ARHGEF10: variants seen among roughly 807,000 people sequenced by gnomAD.
ARHGEF10 encodes the protein Rho guanine nucleotide exchange factor (GEF) 10.
A neutral mutation model predicts 147.4 loss-of-function variants in ARHGEF10; 140 were observed. The observed-to-expected ratio is 0.95, with a 90% CI of 0.83 to 1.09. The LOEUF (loss-of-function observed/expected upper bound fraction) is 1.09. Ranked by LOEUF, ARHGEF10 falls within the 50% of genes least tolerant of loss-of-function variation. The probability of loss-of-function intolerance (pLI) is 0.00; values close to 1 mark genes in which losing one functional copy is unlikely to be tolerated. For missense variants in ARHGEF10, 2,222 were observed against 1,752.7 expected, an observed-to-expected ratio of 1.27 and a Z score of -4.78; for synonymous variants, 902 against 695.8, an observed-to-expected ratio of 1.30 and a Z score of -4.67.
At chr8:1,856,023 T>C (rs892637551) in intron 2 of ARHGEF10, among the ~76,000 whole-genome samples, 2 of 152,118 alleles carry the variant, frequency 1.3e-5, no homozygotes, top group Admixed American at 1.3e-4. Context: ...CTCTGGAAAT[T>C]AGCGGTTCTG....
At chr8:1,888,124 T>TTGCGAGGAGACACTTAGTGGGGC (rs1808876419) in intron 11 of ARHGEF10, among the ~76,000 whole-genome samples, 1 of 68,224 alleles carries the variant, frequency 1.5e-5, no homozygotes, top group African/African-American at 9.9e-5. Flanking sequence ...CTTAGTGGGG[T>TTGCGAGGAGACACTTAGTGGGGC]GAGGGTTTGC....
At position 1,903,483 on chromosome 8, in the gene ARHGEF10, A is replaced by G. The variant is rs1171265208; in HGVS notation, c.1821+32A>G. On this transcript the variant is annotated intron_variant, in intron 16 of 28. Transcript: ENST00000349830. ...AGAGGTTTTCTTCAACTCTATTCCA[A>G]AATTATTTTTGCTTTGTGCTAATAA... 3 of 1,612,398 alleles carry G rather than the reference A, an allele frequency of 1.9e-6. No homozygotes were observed. The Admixed American group carries it at 5.0e-5, about 27-fold the overall frequency.
At chr8:1,860,685 G>A (rs542706556) in intron 4 of ARHGEF10, among the ~76,000 whole-genome samples, 2 of 152,274 alleles carry the variant, frequency 1.3e-5, no homozygotes, top group East Asian at 1.9e-4. Context: ...CTCATGTCTG[G>A]GGTGCCTTGA....
intron 17 of ARHGEF10, among the ~76,000 whole-genome samples, chr8:1,906,323 G>A (rs1216578550): frequency 2.6e-5 from 4 of 152,138 alleles, no homozygotes; most frequent in African/African-American, 4.8e-5. Flanking sequence ...GTGCCAATTC[G>A]TCATGTCTTG....
At chr8:1,878,304 C>G (rs1178938953) in intron 8 of ARHGEF10, among the ~76,000 whole-genome samples, 3 of 152,218 alleles carry the variant, frequency 2.0e-5, no homozygotes, top group African/African-American at 7.2e-5. Flanking sequence ...ATTCTCCTGC[C>G]TCAGCCTCTC....
rs1006416699 is a variant in ARHGEF10 at position 1,937,428 on chromosome 8, T to C, written c.3222+3486T>C. ...ATCAGCCGCCTACCTGGGTCTCAATTGTCTGAGCTGACAGCTGGGGGTAAT... is the reference window on the plus strand; with the variant it reads ...ATCAGCCGCCTACCTGGGTCTCAATCGTCTGAGCTGACAGCTGGGGGTAAT... On this transcript the variant is annotated intron_variant, in intron 26 of 28. Transcript: ENST00000349830. The surrounding 1 kb of genome is among the most constrained non-coding windows in gnomAD (Gnocchi z 4.9). 6.6e-6 allele frequency among the ~76,000 whole-genome samples: 1 copy of C among 152,228 alleles called. No individual in the cohort carries two copies. Among genetic ancestry groups the C allele is most frequent in the Admixed American group, 6.5e-5 (1 of 15,286 alleles).
At chr8:1,882,518 T>C in intron 9 of ARHGEF10, 117 bp from the exon 10 acceptor site, 1 of 887,964 alleles carries the variant, frequency 1.1e-6, no homozygotes, top group South Asian at 1.4e-5. Context: ...GAACTGCACG[T>C]GACACATGCG....
chr8:1,881,383 C>T (rs748182243), intron 9 of ARHGEF10, among the ~76,000 whole-genome samples: 21 of 152,194 alleles, frequency 1.4e-4, no homozygotes, highest in Non-Finnish European at 2.6e-4. Context: ...CAAGGGTTCA[C>T]AGCCCAAATC....
chr8:1,823,668 G>T (rs1718722699), upstream of ARHGEF10, among the ~76,000 whole-genome samples: 1 of 151,710 alleles, frequency 6.6e-6, no homozygotes, highest in African/African-American at 2.4e-5. Context: ...CGAAGTGAGC[G>T]CGGCCCGGGG....
intron 1 of ARHGEF10, among the ~76,000 whole-genome samples, chr8:1,830,881 C>T (rs1403499428): frequency 6.6e-6 from 1 of 152,208 alleles, no homozygotes; most frequent in Non-Finnish European, 1.5e-5. Flanking sequence ...CCTGAAATGC[C>T]ACTGGAGCCG....
intron 13 of ARHGEF10, among the ~76,000 whole-genome samples, chr8:1,895,653 C>A (rs985687994): frequency 1.1e-4 from 16 of 152,048 alleles, no homozygotes; most frequent in African/African-American, 3.9e-4. Flanking sequence ...AAAATGCAAA[C>A]AGATTTTTTA....
At chr8:1,933,354 A>G (rs1324550901) in intron 25 of ARHGEF10, among the ~76,000 whole-genome samples, 1 of 152,126 alleles carries the variant, frequency 6.6e-6, no homozygotes, top group Non-Finnish European at 1.5e-5. Context: ...CTTCTCTGCT[A>G]TTATTGTAAA....
chr8:1,870,259 T>TTTTTTTTTG (rs1807001393), intron 7 of ARHGEF10: 1 of 126,758 alleles, frequency 7.9e-6, no homozygotes, highest in African/African-American at 3.1e-5. Context: ...TTTTTTTTTT[T>TTTTTTTTTG]GCTATGGATT....
rs191007800 is a variant in ARHGEF10, at chr8:1,951,612, G to C, written c.3398-1093G>C. The stretch of plus-strand genomic sequence containing the variant: ...ATCAGAGATGAACTTTGGGTCAAAT[G>C]CAGGGATATTTAAAATAGCTTTTAT... On this transcript the variant is annotated intron_variant, in intron 27 of 28. Transcript: ENST00000349830. Among the ~76,000 whole-genome samples the C allele has an allele frequency of 4.6e-5, 7 of 152,322 alleles. No homozygotes were observed. In the East Asian group the frequency reaches 1.4e-3, roughly 29 times the overall value.
In ARHGEF10 at chr8:1,957,199, A is replaced by AGGAAG; in HGVS notation, c.3972_3973insGAAGG (p.Pro1325GlufsTer20). On this transcript the variant is annotated frameshift_variant, in exon 29 of 29. Transcript: ENST00000349830. LOFTEE classifies it high-confidence loss of function. ...CGCCGGGTGCACAGGAAGGCCCGGC[A>AGGAAG]GCCCCACCAGGAAGAGCTGGCGCCG... 3.7e-6 allele frequency: 6 copies of AGGAAG among 1,612,404 alleles called. No homozygotes were observed. The highest frequency in any genetic ancestry group is 5.1e-6 in the Non-Finnish European group (6 of 1,179,966).
chr8:1,878,063 T>G (rs988446515), intron 8 of ARHGEF10, among the ~76,000 whole-genome samples: 2 of 152,188 alleles, frequency 1.3e-5, no homozygotes, highest in African/African-American at 4.8e-5. Flanking sequence ...GAGAATCTAC[T>G]AGATCTTGGC....
chr8:1,890,271 G>T, intron 11 of ARHGEF10, among the ~76,000 whole-genome samples: 1 of 149,844 alleles, frequency 6.7e-6, no homozygotes, highest in East Asian at 2.0e-4. Context: ...ATTGTGAGGA[G>T]ACATTGAGTG....
At position 1,905,667 on chromosome 8, in the gene ARHGEF10, C is replaced by T. The variant is rs138007359; in HGVS notation, c.1918C>T (p.Arg640Ter). ...RGEIVKTKERRVFMLNDVLMC... is the reference protein window; with the variant it reads ...RGEIVKTKER ...AGAGATTGTTAAAACCAAAGAACGC[C>T]GAGTCTTCATGTTAAATGATGTGTT... is the stretch of plus-strand genomic sequence containing the variant. The change falls in exon 17 of 29, where the codon CGA (arginine) becomes TGA (stop). Residue 640 changes from arginine to a stop codon, truncating the protein, a stop_gained. Transcript: ENST00000349830. LOFTEE classifies it high-confidence loss of function. 5.6e-6 allele frequency: 9 copies of T among 1,614,022 alleles called. No homozygotes were observed. Among genetic ancestry groups the T allele is most frequent in the East Asian group, 2.2e-5 (1 of 44,902 alleles).
At chr8:1,875,288 G>A (rs1354866989) in intron 7 of ARHGEF10, among the ~76,000 whole-genome samples, 1 of 151,926 alleles carries the variant, frequency 6.6e-6, no homozygotes, top group East Asian at 1.9e-4. Flanking sequence ...CAGGCTGGAG[G>A]AACAGTGGAG....
Sources: gnomAD v4.1 joint callset for allele counts (sites outside exome capture counted in the v4.1 genomes callset) on GRCh38, gnomAD v4.1.1 for gene constraint, Gnocchi (gnomAD v3.1) non-coding constraint, MANE v1.5 for transcripts, NCBI Gene and HGNC (gene_info 2026-07-23, HGNC 2026-07-21) for gene names.